MAF: variants seen among roughly 807,000 people sequenced by gnomAD.
MAF encodes the protein MAF bZIP transcription factor.
Under a neutral mutation model 22.0 loss-of-function variants are expected in MAF, and 10 were observed. The observed-to-expected ratio is 0.45, with a 90% CI of 0.28 to 0.77. MAF has a LOEUF of 0.77. MAF is among the 30% of genes least tolerant of loss of function. MAF has a pLI of 0.12. For missense variants in MAF, 544 were observed against 548.4 expected, an observed-to-expected ratio of 0.99 and a Z score of 0.08; for synonymous variants, 337 against 255.8, an observed-to-expected ratio of 1.32 and a Z score of -3.03.
At chr16:79,508,398 T>A in the MAF span, among the ~76,000 whole-genome samples, 3 of 152,276 alleles carry the variant, frequency 2.0e-5, 1 homozygote, top group South Asian at 6.2e-4. Flanking sequence ...AACTGCTTTC[T>A]CCATGGGCCT....
chr16:79,310,981 G>A, the MAF span, among the ~76,000 whole-genome samples: 7 of 152,060 alleles, frequency 4.6e-5, no homozygotes, highest in South Asian at 2.1e-4. Flanking sequence ...CCAGGAGCGC[G>A]AGCTTCCACC....
chr16:79,576,550 A>ATT, the MAF span, among the ~76,000 whole-genome samples: 8 of 147,104 alleles, frequency 5.4e-5, no homozygotes, highest in Middle Eastern at 3.5e-3. Context: ...GAGGAGTGCT[A>ATT]TTTTTTTTTT....
At chr16:79,389,268 T>C in the MAF span, among the ~76,000 whole-genome samples, 1,630 of 152,292 alleles carry the variant, frequency 0.011, 20 homozygotes, top group Non-Finnish European at 0.016. Context: ...TATTTATTTA[T>C]TAATTATTTA....
At chr16:79,586,219 T>G (rs1053823463) in intron 1 of MAF, among the ~76,000 whole-genome samples, 5 of 152,344 alleles carry the variant, frequency 3.3e-5, no homozygotes, top group Middle Eastern at 6.8e-3. Flanking sequence ...ACCCACTGGT[T>G]GGCAGCCTGG....
chr16:79,228,861 T>A, the MAF span, among the ~76,000 whole-genome samples: 2 of 151,650 alleles, frequency 1.3e-5, no homozygotes, highest in East Asian at 3.9e-4. Context: ...AATGGGAGGA[T>A]CATGTACATA....
chr16:79,379,245 T>C, the MAF span, among the ~76,000 whole-genome samples: 121 of 152,292 alleles, frequency 7.9e-4, no homozygotes, highest in African/African-American at 2.9e-3. Context: ...CCTAGAGAAC[T>C]GTGTTGAAAA....
At chr16:79,502,619 T>C in the MAF span, among the ~76,000 whole-genome samples, 6 of 149,422 alleles carry the variant, frequency 4.0e-5, no homozygotes, top group Non-Finnish European at 7.4e-5. Context: ...TGAGCTGAGA[T>C]TGCACCACTG....
the MAF span, among the ~76,000 whole-genome samples, chr16:79,371,513 CT>C: frequency 6.6e-6 from 1 of 152,186 alleles, no homozygotes; most frequent in Non-Finnish European, 1.5e-5. Flanking sequence ...GACCCATCCC[CT>C]GACTGCCTTT....
At chr16:79,422,142 C>G in the MAF span, among the ~76,000 whole-genome samples, 1 of 152,148 alleles carries the variant, frequency 6.6e-6, no homozygotes, top group Non-Finnish European at 1.5e-5. Flanking sequence ...ACACCGAGGA[C>G]AGAGCATTCT....
chr16:79,362,594 C>G, the MAF span, among the ~76,000 whole-genome samples: 1 of 152,164 alleles, frequency 6.6e-6, no homozygotes, highest in East Asian at 1.9e-4. Flanking sequence ...GCACGAAGAG[C>G]AGGTTGCTGC....
chr16:79,471,542 T>C, the MAF span, among the ~76,000 whole-genome samples: 4 of 152,212 alleles, frequency 2.6e-5, no homozygotes, highest in African/African-American at 9.6e-5. Context: ...TTGGGCATGG[T>C]GGTGCACACC....
chr16:79,221,672 T>G, the MAF span, among the ~76,000 whole-genome samples: 1 of 152,214 alleles, frequency 6.6e-6, no homozygotes, highest in African/African-American at 2.4e-5. Flanking sequence ...AGAGTGTATG[T>G]GATTATGTGT....
chr16:79,316,717 G>C, the MAF span, among the ~76,000 whole-genome samples: 3 of 152,088 alleles, frequency 2.0e-5, no homozygotes, highest in African/African-American at 7.2e-5. Context: ...GGGTCTTATA[G>C]AATATTCAGT....
chr16:79,206,540 C>G, the MAF span: 3 of 152,178 alleles, frequency 2.0e-5, no homozygotes, highest in Admixed American at 1.3e-4. Flanking sequence ...CATGCAGAGC[C>G]TGGCAAATCG....
At chr16:79,471,500 C>A in the MAF span, among the ~76,000 whole-genome samples, 1 of 152,210 alleles carries the variant, frequency 6.6e-6, no homozygotes, top group South Asian at 2.1e-4. Context: ...CAGGCTAACT[C>A]CTGTCTCTAG....
At chr16:79,379,305 T>C in the MAF span, among the ~76,000 whole-genome samples, 3 of 152,208 alleles carry the variant, frequency 2.0e-5, no homozygotes, top group African/African-American at 7.2e-5. Context: ...GATGCTGAAA[T>C]GGGAGCACTG....
At chr16:79,409,097 T>C in the MAF span, among the ~76,000 whole-genome samples, 1 of 151,998 alleles carries the variant, frequency 6.6e-6, no homozygotes, top group Non-Finnish European at 1.5e-5. Context: ...AGGACGGCAT[T>C]GGAAGGATGA....
chr16:79,331,782 T>G, the MAF span, among the ~76,000 whole-genome samples: 1 of 152,008 alleles, frequency 6.6e-6, no homozygotes, highest in Non-Finnish European at 1.5e-5. Flanking sequence ...GTGGCCTCAT[T>G]CCCTCCATTC....
chr16:79,528,848 G>A, the MAF span, among the ~76,000 whole-genome samples: 1 of 152,144 alleles, frequency 6.6e-6, no homozygotes, highest in East Asian at 1.9e-4. Context: ...GAAATGTGGA[G>A]ATTTCTTGGA....
Sources: allele counts gnomAD v4.1 joint callset (sites outside exome capture counted in the v4.1 genomes callset), GRCh38; gene constraint gnomAD v4.1.1; transcripts MANE v1.5; gene names NCBI Gene and HGNC (gene_info 2026-07-23, HGNC 2026-07-21).